Variants in BMP4 observed in about 807,000 individuals in gnomAD.
BMP4 encodes bone morphogenetic protein 4, also known as bone morphogenetic protein 2B.
BMP4 carries 3 observed loss-of-function variants against 29.6 expected under a neutral mutation model. The ratio of observed to expected loss-of-function variants is 0.10; its 90% CI spans 0.05 to 0.26. The LOEUF (loss-of-function observed/expected upper bound fraction) is 0.26. BMP4 is among the 10% of genes least tolerant of loss of function. The pLI is 1.00. For synonymous variants in BMP4, 197 were observed against 213.2 expected, an observed-to-expected ratio of 0.92 and a Z score of 0.66; for missense variants, 455 against 550.2, an observed-to-expected ratio of 0.83 and a Z score of 1.73.
rs1291572923 is a variant in BMP4, at chr14:53,950,965, C to T, written c.371-77G>A. On this transcript the variant is annotated intron_variant, in intron 3 of 3. Transcript: ENST00000245451. This position sits in a 1 kb window ranked among gnomAD's most constrained non-coding sequence, Gnocchi z 5.4. ...CAAAGATGGAAGAGTCAAGAGATAG[C>T]TCAGGGTTGGGCAATGAATGGTGAA... 1.3e-6 allele frequency: 2 copies of T among 1,577,952 alleles called. No individual in the cohort carries two copies. Among genetic ancestry groups the T allele is most frequent in the African/African-American group, 1.3e-5 (1 of 74,474 alleles).
At chr14:53,951,516 C>T (rs1895408453) in intron 3 of BMP4, 3 of 285,738 alleles carry the variant, frequency 1.0e-5, no homozygotes, top group Middle Eastern at 1.1e-3. Context: ...TGAATAAACC[C>T]GACAAACACA....
At chr14:53,953,445 C>T (rs1895554953) in intron 1 of BMP4, 45 bp from the exon 2 acceptor site, 4 of 398,748 alleles carry the variant, frequency 1.0e-5, no homozygotes, top group South Asian at 1.3e-4. Context: ...CGCAGACAGG[C>T]TCTGTTTTTC....
At chr14:53,951,767 C>T (rs1296480136) in intron 3 of BMP4, 86 bp downstream of exon 3, 1 of 1,548,372 alleles carries the variant, frequency 6.5e-7, no homozygotes, top group South Asian at 1.2e-5. Context: ...TTGATGTAAC[C>T]CGAACTCTTC....
At chr14:53,951,761 T>G (rs760502195) in intron 3 of BMP4, 92 bp downstream of exon 3, 2 of 1,530,536 alleles carry the variant, frequency 1.3e-6, no homozygotes, top group Non-Finnish European at 1.8e-6. Flanking sequence ...GGGGCTTTGA[T>G]GTAACCCGAA....
At position 53,955,898 on chromosome 14, in the gene BMP4, G is replaced by A. The variant is rs1895699758; in HGVS notation, c.-133+652C>T. ...GTCGTCTCTAGGGACCCTACACCGT[G>A]AAATGATAGAGGCGAGGTTCCTTGG... On this transcript the variant is annotated intron_variant, in intron 1 of 3. Transcript: ENST00000245451. This position sits in a 1 kb window ranked among gnomAD's most constrained non-coding sequence, Gnocchi z 4.0. The A allele has an allele frequency of 6.6e-6, 1 of 152,254 alleles. No homozygotes were observed. The highest frequency in any genetic ancestry group is 6.5e-5 in the Admixed American group (1 of 15,292). 9.4% of individuals were successfully genotyped at this position (152,254 alleles called of 1,614,324 possible). A position where few individuals can be genotyped will look rare whatever the true frequency, so the allele number is the denominator to read the frequency against.
chr14:53,951,874 C>A lies in BMP4; in HGVS notation c.349G>T (p.Val117Leu), dbSNP rs527591537. 40 of 1,599,768 alleles carry A rather than the reference C, an allele frequency of 2.5e-5. No individual in the cohort carries two copies. The highest frequency in any genetic ancestry group is 6.7e-5 in the Admixed American group (4 of 60,010). ...PERPASRANT[V>L]RSFHHEEHLE... Reference sequence around the variant, plus strand: ...TGACCTTCGTGGTGGAAGCTCCTCACGGTGTTGGCCCGGCTGGCCGGGCGC... The same window carrying A: ...TGACCTTCGTGGTGGAAGCTCCTCAAGGTGTTGGCCCGGCTGGCCGGGCGC... The change falls in exon 3 of 4, where the codon GTG (valine) becomes TTG (leucine). Residue 117 changes from valine to leucine, a missense_variant. Transcript: ENST00000245451.
chr14:53,950,875 G>A lies in BMP4; in HGVS notation c.384C>T (p.Asn128=). 6.2e-7 allele frequency: 1 copy of A among 1,602,892 alleles called. No homozygotes were observed. Among genetic ancestry groups the A allele is most frequent in the Non-Finnish European group, 8.5e-7 (1 of 1,179,980 alleles). ...CAGAGTTTTCACTGGTCCCTGGGAT[G>A]TTCTCCAGATGTTCTAGGCACAGTT... ...RSFHHEEHLE[N]IPGTSENSAF... is the part of the protein sequence containing the mutation. Residue 128 remains asparagine, a synonymous_variant, in exon 4 of 4, where the codon AAC becomes AAT. Coordinates refer to ENST00000245451, the MANE Select transcript of BMP4 (RefSeq NM_001202.6). This position sits in a 1 kb window ranked among gnomAD's most constrained non-coding sequence, Gnocchi z 5.4.
chr14:53,956,343 G>T (rs1895717611), intron 1 of BMP4, among the ~76,000 whole-genome samples: 1 of 152,190 alleles, frequency 6.6e-6, no homozygotes, highest in African/African-American at 2.4e-5. Context: ...GAATCTCCCA[G>T]GGACTGCTGG....
At position 53,952,127 on chromosome 14, in the gene BMP4, C is replaced by G; in HGVS notation, c.96G>C (p.Lys32Asn). ...SHASLIPETG[K>N]KKVAEIQGHA... ...GGCCCTGAATCTCGGCGACTTTTTT[C>G]TTCCCCGTCTCAGGTATCAAACTAG... Residue 32 changes from lysine to asparagine, a missense_variant, in exon 3 of 4, where the codon AAG becomes AAC. Physicochemically the swap from Lys to Asn is moderately conservative, Grantham distance 94. This residue lies in a region of BMP4 where 249 missense variants were observed against 284.6 expected (regional missense o/e 0.87). Transcript: ENST00000245451. 1 of 1,613,704 alleles carries G rather than the reference C, an allele frequency of 6.2e-7. No homozygotes were observed. The highest frequency in any genetic ancestry group is 8.5e-7 in the Non-Finnish European group (1 of 1,179,626).
At position 53,953,386 on chromosome 14, in the gene BMP4, A is replaced by G. The variant is rs1030853342; in HGVS notation, c.-118T>C. On this transcript the variant is annotated 5_prime_UTR_variant, in exon 2 of 4. Transcript: ENST00000245451. ...GCAGCAGTGCGTTGCTCGGGATGGCACTACGGAATGGCTCCTAAAAGGAAT... is the reference window on the plus strand; with the variant it reads ...GCAGCAGTGCGTTGCTCGGGATGGCGCTACGGAATGGCTCCTAAAAGGAAT... 1 of 399,114 alleles carries G rather than the reference A, an allele frequency of 2.5e-6. No individual in the cohort carries two copies. Among genetic ancestry groups the G allele is most frequent in the Non-Finnish European group, 4.4e-6 (1 of 226,142 alleles). 24.7% of individuals were successfully genotyped at this position (399,114 alleles called of 1,614,324 possible).
In BMP4 at chr14:53,952,238, G is replaced by A. The variant is rs1174469727; in HGVS notation, c.-7-9C>T. On this transcript the variant is annotated splice_polypyrimidine_tract_variant and intron_variant, in intron 2 of 3. Transcript: ENST00000245451. ...CAGGAATCATGGTGTCTCTGGGGAG[G>A]GGGAGGGGAGTGGAAGGTTAAAGAA... is the stretch of plus-strand genomic sequence containing the variant. 2.5e-6 allele frequency: 4 copies of A among 1,613,604 alleles called. No individual in the cohort carries two copies. The highest frequency in any genetic ancestry group is 3.4e-6 in the Non-Finnish European group (4 of 1,179,796).
chr14:53,951,904 G>A lies in BMP4; in HGVS notation c.319C>T (p.Pro107Ser). 6.2e-7 allele frequency: 1 copy of A among 1,602,344 alleles called. No homozygotes were observed. The highest frequency in any genetic ancestry group is 1.1e-5 in the South Asian group (1 of 91,078). ...EQIHSTGLEY[P>S]ERPASRANTV... ...TTGGCCCGGCTGGCCGGGCGCTCAGGATACTCAAGACCAGTGCTGTGGATC... is the reference window on the plus strand; with the variant it reads ...TTGGCCCGGCTGGCCGGGCGCTCAGAATACTCAAGACCAGTGCTGTGGATC... The change falls in exon 3 of 4, where the codon CCT becomes TCT. Residue 107 changes from proline (P) to serine (S), a missense_variant. By Grantham distance (74) the Pro-to-Ser change is moderately conservative (BLOSUM62 -1). This residue lies in a region of BMP4 where 249 missense variants were observed against 284.6 expected (regional missense o/e 0.87). Coordinates refer to ENST00000245451, the MANE Select transcript of BMP4 (RefSeq NM_001202.6).
Position 53,953,355 on chromosome 14 carries a change from G to A in BMP4, c.-87C>T, listed in dbSNP as rs184160019. ...AACAAACTTGCTGGAAAGGCTCAGG[G>A]AAGCTGCAGCAGTGCGTTGCTCGGG... On this transcript the variant is annotated 5_prime_UTR_variant, in exon 2 of 4. Transcript: ENST00000245451. 1.8e-3 allele frequency: 735 copies of A among 399,284 alleles called. 8 individuals are homozygous for A. Among genetic ancestry groups the A allele is most frequent in the African/African-American group, 0.014 (680 of 48,766 alleles). The allele number at this position is 399,284 out of a possible 1,614,324, so 24.7% of individuals were successfully genotyped here.
chr14:53,951,674 G>T, intron 3 of BMP4, 179 bp downstream of exon 3: 1 of 989,642 alleles, frequency 1.0e-6, no homozygotes, highest in Non-Finnish European at 1.5e-6. Context: ...CTCCCCCTCT[G>T]TCTCCAAAAA....
intron 2 of BMP4, among the ~76,000 whole-genome samples, chr14:53,952,792 A>G (rs1895514290): frequency 6.6e-6 from 1 of 152,182 alleles, no homozygotes; most frequent in Non-Finnish European, 1.5e-5. Context: ...TCTGGGAGCT[A>G]ACCGGGTGGC....
chr14:53,956,826 T>G, upstream of BMP4: 1 of 396,672 alleles, frequency 2.5e-6, no homozygotes, highest in Non-Finnish European at 4.4e-6. Flanking sequence ...CGCATCTTCC[T>G]TCCTCCTCTT....
In BMP4 at chr14:53,954,301, T is replaced by C. The variant is rs1226300727; in HGVS notation, c.-132-901A>G. 1 of 151,648 alleles carries C rather than the reference T, an allele frequency of 6.6e-6. No homozygotes were observed. The highest frequency in any genetic ancestry group is 1.5e-5 in the Non-Finnish European group (1 of 67,984). 9.4% of individuals were successfully genotyped at this position (151,648 alleles called of 1,614,324 possible). A position where few individuals can be genotyped will look rare whatever the true frequency, so the allele number is the denominator to read the frequency against. ...CAGGCTGAGGGACAGACGCCGGGGC[T>C]CGAAGCTCCGGGCAGATTCAGAAAG... On this transcript the variant is annotated intron_variant, in intron 1 of 3. Coordinates refer to ENST00000245451, the MANE Select transcript of BMP4 (RefSeq NM_001202.6). This position sits in a 1 kb window ranked among gnomAD's most constrained non-coding sequence, Gnocchi z 4.8.
At position 53,950,851 on chromosome 14, in the gene BMP4, A is replaced by C; in HGVS notation, c.408T>G (p.Ser136=). Residue 136 remains serine, a synonymous_variant, in exon 4 of 4, where the codon TCT becomes TCG. Coordinates refer to ENST00000245451, the MANE Select transcript of BMP4 (RefSeq NM_001202.6). This position sits in a 1 kb window ranked among gnomAD's most constrained non-coding sequence, Gnocchi z 5.4. The stretch of plus-strand genomic sequence containing the variant: ...TGAGGTTAAAGAGGAAACGAAAAGC[A>C]GAGTTTTCACTGGTCCCTGGGATGT... The part of the protein sequence containing the change: ...LENIPGTSEN[S]AFRFLFNLSS... 6.2e-7 allele frequency: 1 copy of C among 1,606,972 alleles called. No individual in the cohort carries two copies. Among genetic ancestry groups the C allele is most frequent in the Non-Finnish European group, 8.5e-7 (1 of 1,179,992 alleles).
intron 3 of BMP4, chr14:53,951,487 CG>C: frequency 4.3e-6 from 1 of 234,748 alleles, no homozygotes; most frequent in Non-Finnish European, 8.3e-6. Flanking sequence ...ACATTCAGAT[CG>C]GATTACAAGG....
Sources: gnomAD v4.1 joint callset for allele counts (sites outside exome capture counted in the v4.1 genomes callset) on GRCh38, gnomAD v4.1.1 for gene constraint, gnomAD v4.1.1 regional missense constraint, Gnocchi (gnomAD v3.1) non-coding constraint, MANE v1.5 for transcripts, NCBI Gene and HGNC (gene_info 2026-07-23, HGNC 2026-07-21) for gene names.